WDTC1: variants seen among roughly 807,000 people sequenced by gnomAD.
WDTC1 encodes the protein WD and tetratricopeptide repeats protein 1.
Under a neutral mutation model 76.0 loss-of-function variants are expected in WDTC1, and 12 were observed. That is an observed-to-expected ratio of 0.16 (90% CI 0.10 to 0.26). WDTC1 has a LOEUF of 0.26. Ranked by LOEUF, WDTC1 falls within the 10% of genes least tolerant of loss-of-function variation. WDTC1 has a pLI of 1.00. For synonymous variants in WDTC1, 326 were observed against 350.8 expected, an observed-to-expected ratio of 0.93 and a Z score of 0.79; for missense variants, 511 against 908.8, an observed-to-expected ratio of 0.56 and a Z score of 5.63.
intron 1 of WDTC1, among the ~76,000 whole-genome samples, chr1:27,251,313 C>T (rs2012052053): frequency 6.6e-6 from 1 of 151,908 alleles, no homozygotes; most frequent in Non-Finnish European, 1.5e-5. Context: ...ATATGCTAGG[C>T]ATTTTAGAGC....
chr1:27,267,395 G>A (rs1195381542), intron 3 of WDTC1, among the ~76,000 whole-genome samples: 2 of 151,984 alleles, frequency 1.3e-5, no homozygotes, highest in Non-Finnish European at 2.9e-5. Flanking sequence ...ACAGGCGTGT[G>A]CCACCACACC....
chr1:27,281,277 CCT>C (rs2013181124), intron 3 of WDTC1, among the ~76,000 whole-genome samples: 1 of 151,762 alleles, frequency 6.6e-6, no homozygotes, highest in Non-Finnish European at 1.5e-5. Flanking sequence ...CACGGTGAAA[CCT>C]CTGTCTCTAC....
chr1:27,280,125 C>T (rs2013147672), intron 3 of WDTC1, among the ~76,000 whole-genome samples: 1 of 152,124 alleles, frequency 6.6e-6, no homozygotes, highest in South Asian at 2.1e-4. Flanking sequence ...ATTTTATGGA[C>T]AACTTAATGG....
At chr1:27,250,191 T>G (rs1044355008) in intron 1 of WDTC1, among the ~76,000 whole-genome samples, 9 of 152,162 alleles carry the variant, frequency 5.9e-5, no homozygotes, top group Non-Finnish European at 8.8e-5. Context: ...GTACTTTCTT[T>G]TTTTCTTTTT....
chr1:27,234,455 TCCCCCACTAGCAGGTTAGTGG>T (rs2011440490), upstream of WDTC1: 1 of 266,556 alleles, frequency 3.8e-6, no homozygotes, highest in Non-Finnish European at 7.1e-6. Context: ...GGTGCGGGGC[TCCCCCACTAGCAGGTTAGTGG>T]GCGCCGCCGG....
At chr1:27,252,739 A>G (rs946874925) in intron 1 of WDTC1, among the ~76,000 whole-genome samples, 2 of 151,812 alleles carry the variant, frequency 1.3e-5, no homozygotes, top group East Asian at 2.0e-4. Flanking sequence ...TGGAGGCTGC[A>G]TTGAGCTGAG....
rs1339368707 is a variant in WDTC1, at chr1:27,290,003, A to AGAGAGGGAGAGGGAGACCGTGGG, written c.479+2169_480-2163dup. On this transcript the variant is annotated intron_variant, in intron 6 of 15. Coordinates refer to ENST00000319394, the MANE Select transcript of WDTC1 (RefSeq NM_001276252.2). ...AGAGAGGGAGAGGGAGACCGTGGAA[A>AGAGAGGGAGAGGGAGACCGTGGG]GAGAGGGAGAGGGAGACCGTGGGGA... 1.5e-3 allele frequency among the ~76,000 whole-genome samples: 229 copies of AGAGAGGGAGAGGGAGACCGTGGG among 148,460 alleles called. 1 individual carries two copies. The highest frequency in any genetic ancestry group is 2.8e-3 in the Non-Finnish European group (184 of 66,900).
intron 1 of WDTC1, among the ~76,000 whole-genome samples, chr1:27,251,578 G>C (rs1230887741): frequency 6.6e-6 from 1 of 152,058 alleles, no homozygotes; most frequent in Non-Finnish European, 1.5e-5. Context: ...CCAGCAGTTT[G>C]GGGAGCTGAA....
intron 6 of WDTC1, among the ~76,000 whole-genome samples, chr1:27,289,560 G>A (rs1400335910): frequency 1.3e-5 from 2 of 152,050 alleles, no homozygotes; most frequent in Non-Finnish European, 2.9e-5. Flanking sequence ...AGGCAGAGAC[G>A]CTCCTCACTT....
intron 1 of WDTC1, among the ~76,000 whole-genome samples, chr1:27,255,761 G>A (rs1418126262): frequency 6.6e-6 from 1 of 152,090 alleles, no homozygotes; most frequent in Non-Finnish European, 1.5e-5. Context: ...TAGAGATGGG[G>A]TTTCACCATG....
chr1:27,292,822 C>T (rs1453449266), intron 7 of WDTC1, among the ~76,000 whole-genome samples: 1 of 137,524 alleles, frequency 7.3e-6, no homozygotes, highest in African/African-American at 2.8e-5. Flanking sequence ...AGCGCAGTGG[C>T]ACAATCTCAG....
rs951663228 is a variant in WDTC1, at chr1:27,274,814, T to C, written c.133-7425T>C. 6.6e-6 allele frequency among the ~76,000 whole-genome samples: 1 copy of C among 152,226 alleles called. No individual in the cohort carries two copies. Among genetic ancestry groups the C allele is most frequent in the African/African-American group, 2.4e-5 (1 of 41,462 alleles). On this transcript the variant is annotated intron_variant, in intron 3 of 15. Coordinates refer to ENST00000319394, the MANE Select transcript of WDTC1 (RefSeq NM_001276252.2). This position sits in a 1 kb window ranked among gnomAD's most constrained non-coding sequence, Gnocchi z 4.2. ...TACCAGGGATCTCCCAAGATCACCT[T>C]GGAAGTTGTGATCACACTTTGATTC...
rs1376062504 is a variant in WDTC1 at position 27,283,347 on chromosome 1, C to T, written c.189C>T (p.Ala63=). 6.2e-7 allele frequency: 1 copy of T among 1,613,622 alleles called. No individual in the cohort carries two copies. Among genetic ancestry groups the T allele is most frequent in the Admixed American group, 1.7e-5 (1 of 59,992 alleles). The part of the protein sequence containing the change: ...LEWNEKGDLL[A]SGSDDQHTIV... ...CTCACTCTGCTTTCAGCTTGCTGGCCTCTGGTTCCGATGACCAGCACACGA... is the reference window on the plus strand; with the variant it reads ...CTCACTCTGCTTTCAGCTTGCTGGCTTCTGGTTCCGATGACCAGCACACGA... Residue 63 remains alanine, a synonymous_variant, in exon 5 of 16, where the codon GCC becomes GCT. Coordinates refer to ENST00000319394, the MANE Select transcript of WDTC1 (RefSeq NM_001276252.2).
At chr1:27,260,565 G>A (rs543984390) in intron 1 of WDTC1, among the ~76,000 whole-genome samples, 1 of 152,322 alleles carries the variant, frequency 6.6e-6, no homozygotes, top group East Asian at 1.9e-4. Flanking sequence ...CTGAGGATCA[G>A]AGATTTGAAG....
chr1:27,277,967 T>C (rs2013080082), intron 3 of WDTC1, among the ~76,000 whole-genome samples: 1 of 152,064 alleles, frequency 6.6e-6, no homozygotes, highest in African/African-American at 2.4e-5. Context: ...CAGCCTCCTG[T>C]GTAGCTGGGA....
chr1:27,276,718 A>T (rs894079835), intron 3 of WDTC1, among the ~76,000 whole-genome samples: 1 of 151,470 alleles, frequency 6.6e-6, no homozygotes, highest in Non-Finnish European at 1.5e-5. Flanking sequence ...AAGAAAAAAA[A>T]ATTTTTTTTT....
At chr1:27,281,652 G>A (rs1286878537) in intron 3 of WDTC1, among the ~76,000 whole-genome samples, 2 of 151,824 alleles carry the variant, frequency 1.3e-5, no homozygotes, top group Non-Finnish European at 2.9e-5. Context: ...GCAGTGGTGC[G>A]ATCTCAGCTC....
intron 1 of WDTC1, among the ~76,000 whole-genome samples, chr1:27,260,178 C>G (rs184790402): frequency 6.6e-6 from 1 of 152,130 alleles, no homozygotes; most frequent in Non-Finnish European, 1.5e-5. Context: ...AATCTCGGCT[C>G]ACTGCAAGCT....
chr1:27,242,579 C>T (rs1324285949), intron 1 of WDTC1, among the ~76,000 whole-genome samples: 4 of 152,026 alleles, frequency 2.6e-5, no homozygotes, highest in Non-Finnish European at 5.9e-5. Context: ...AAGTGATTCT[C>T]CTGCCTCAGC....
Sources: gnomAD v4.1 joint callset for allele counts (sites outside exome capture counted in the v4.1 genomes callset) on GRCh38, gnomAD v4.1.1 for gene constraint, Gnocchi (gnomAD v3.1) non-coding constraint, MANE v1.5 for transcripts, NCBI Gene and HGNC (gene_info 2026-07-23, HGNC 2026-07-21) for gene names.